THRB: variants seen among roughly 807,000 people sequenced by gnomAD.
The protein encoded by THRB is thyroid hormone receptor beta.
In THRB, 12 loss-of-function variants were observed where a neutral mutation model predicts 47.8. That is an observed-to-expected ratio of 0.25 (90% CI 0.16 to 0.41). THRB has a LOEUF of 0.41. THRB is among the 10% of genes least tolerant of loss of function. The pLI, the probability that THRB is intolerant of heterozygous loss-of-function variation, is 1.00. For synonymous variants in THRB, 218 were observed against 212.2 expected (o/e 1.03, Z -0.24); for missense variants, 348 against 589.2 (o/e 0.59, Z 4.24).
At chr3:24,443,647 A>C (rs1468663806) in intron 1 of THRB, among the ~76,000 whole-genome samples, 1 of 152,192 alleles carries the variant, frequency 6.6e-6, no homozygotes, top group Non-Finnish European at 1.5e-5. Context: ...AAAGATGATT[A>C]AATATTAGGA....
intron 5 of THRB, among the ~76,000 whole-genome samples, chr3:24,169,960 C>A (rs956891781): frequency 6.6e-6 from 1 of 152,046 alleles, no homozygotes; most frequent in African/African-American, 2.4e-5. Context: ...AAAAAGTTTG[C>A]CAAGCCCTGC....
intron 5 of THRB, among the ~76,000 whole-genome samples, chr3:24,169,228 C>A (rs184250730): frequency 2.0e-5 from 3 of 152,284 alleles, no homozygotes; most frequent in Admixed American, 2.0e-4. Flanking sequence ...GTGTGACTAA[C>A]TTCTGGCCAA....
chr3:24,354,697 T>C (rs2063561221), intron 1 of THRB, among the ~76,000 whole-genome samples: 1 of 152,176 alleles, frequency 6.6e-6, no homozygotes, highest in Admixed American at 6.6e-5. Flanking sequence ...AAAGGATTAC[T>C]GTGTCAACTC....
intron 5 of THRB, among the ~76,000 whole-genome samples, chr3:24,168,135 G>A (rs2039894474): frequency 6.6e-6 from 1 of 152,100 alleles, no homozygotes; most frequent in Non-Finnish European, 1.5e-5. Flanking sequence ...TACCAAGTGG[G>A]AATACTCTTT....
At chr3:24,213,554 A>G (rs13085690) in intron 4 of THRB, among the ~76,000 whole-genome samples, 418 of 152,310 alleles carry the variant, frequency 2.7e-3, no homozygotes, top group Non-Finnish European at 4.3e-3. Flanking sequence ...AAGGATCTTC[A>G]GAAAAATCCT....
At chr3:24,283,165 A>G (rs1423962997) in intron 3 of THRB, among the ~76,000 whole-genome samples, 1 of 152,218 alleles carries the variant, frequency 6.6e-6, no homozygotes, top group Non-Finnish European at 1.5e-5. Context: ...CTTGATGAAC[A>G]TTGATGCAAA....
chr3:24,286,498 A>G (rs574370470), intron 3 of THRB, among the ~76,000 whole-genome samples: 2 of 152,296 alleles, frequency 1.3e-5, no homozygotes, highest in African/African-American at 4.8e-5. Context: ...CTTAATGCAT[A>G]TGGTTTAAGA....
intron 5 of THRB, among the ~76,000 whole-genome samples, chr3:24,182,337 T>C (rs996663311): frequency 1.3e-5 from 2 of 152,182 alleles, no homozygotes; most frequent in Non-Finnish European, 2.9e-5. Flanking sequence ...AGTGATCACC[T>C]ACGATGTCTT....
At chr3:24,450,412 G>A (rs558928366) in intron 1 of THRB, among the ~76,000 whole-genome samples, 20 of 152,296 alleles carry the variant, frequency 1.3e-4, no homozygotes, top group African/African-American at 4.6e-4. Flanking sequence ...ACTTACGAGT[G>A]TCAAAGTCTG....
At chr3:24,214,730 C>T (rs2046394543) in intron 4 of THRB, among the ~76,000 whole-genome samples, 2 of 152,116 alleles carry the variant, frequency 1.3e-5, no homozygotes, top group South Asian at 4.2e-4. Context: ...TGCAACCTGG[C>T]CTGCAACCAG....
At chr3:24,355,923 C>T (rs958824194) in intron 1 of THRB, among the ~76,000 whole-genome samples, 1 of 152,144 alleles carries the variant, frequency 6.6e-6, no homozygotes, top group African/African-American at 2.4e-5. Context: ...CAAGTCTTAA[C>T]TCATTCTGGC....
intron 2 of THRB, among the ~76,000 whole-genome samples, chr3:24,327,635 T>C (rs1452600713): frequency 1.3e-5 from 2 of 152,206 alleles, no homozygotes; most frequent in Non-Finnish European, 1.5e-5. Context: ...AGCTTACATT[T>C]TAGTGGATGG....
chr3:24,209,588 C>T (rs1354506493), intron 4 of THRB, among the ~76,000 whole-genome samples: 1 of 152,118 alleles, frequency 6.6e-6, no homozygotes, highest in Non-Finnish European at 1.5e-5. Flanking sequence ...AAAAACCAAA[C>T]ACCCCATGTT....
At chr3:24,241,398 G>A (rs1464639970) in intron 3 of THRB, among the ~76,000 whole-genome samples, 1 of 152,122 alleles carries the variant, frequency 6.6e-6, no homozygotes, top group East Asian at 1.9e-4. Context: ...CGTGGAGACA[G>A]GTCACCCTAC....
intron 1 of THRB, among the ~76,000 whole-genome samples, chr3:24,467,693 C>T (rs960091189): frequency 3.3e-5 from 5 of 152,152 alleles, no homozygotes; most frequent in African/African-American, 9.7e-5. Flanking sequence ...AGTAGTAGGT[C>T]TCAACAGTGA....
intron 5 of THRB, among the ~76,000 whole-genome samples, chr3:24,161,014 G>A (rs2038726937): frequency 6.6e-6 from 1 of 152,232 alleles, no homozygotes; most frequent in African/African-American, 2.4e-5. Flanking sequence ...TCTTTGACGA[G>A]ACAGTTAATT....
At chr3:24,170,343 TCTC>T (rs1246934594) in intron 5 of THRB, among the ~76,000 whole-genome samples, 1 of 152,170 alleles carries the variant, frequency 6.6e-6, no homozygotes, top group Non-Finnish European at 1.5e-5. Flanking sequence ...TCCATCATCA[TCTC>T]CTAACTGGAC....
intron 10 of THRB, 109 bp downstream of exon 10, chr3:24,127,390 G>A: frequency 8.5e-7 from 1 of 1,182,734 alleles, no homozygotes; most frequent in Non-Finnish European, 1.2e-6. Context: ...GAAGAAGAGT[G>A]AGCTATGTTT....
At chr3:24,303,924 A>G (rs2057139497) in intron 2 of THRB, among the ~76,000 whole-genome samples, 1 of 152,212 alleles carries the variant, frequency 6.6e-6, no homozygotes, top group Non-Finnish European at 1.5e-5. Flanking sequence ...ACGATGTTTA[A>G]TTCCAGGAAT....
Sources: allele counts gnomAD v4.1 joint callset (sites outside exome capture counted in the v4.1 genomes callset), GRCh38; gene constraint gnomAD v4.1.1; transcripts MANE v1.5; gene names NCBI Gene and HGNC (gene_info 2026-07-23, HGNC 2026-07-21).